Variants in BLTP1 observed in about 807,000 individuals in gnomAD.
BLTP1 encodes the protein bridge-like lipid transfer protein family member 1, also known as fragile site-associated protein.
At chr4:122,355,708 C>T in the BLTP1 span, 1 of 1,338,530 alleles carries the variant, frequency 7.5e-7, no homozygotes, top group East Asian at 2.5e-5. Flanking sequence ...AATAATAGTT[C>T]TGTATATTAT....
chr4:122,349,254 A>T, the BLTP1 span: 4 of 1,613,720 alleles, frequency 2.5e-6, no homozygotes, highest in Admixed American at 6.7e-5. The surrounding 1 kb of genome is among the most constrained non-coding windows in gnomAD (Gnocchi z 4.5). Flanking sequence ...GAAGATCACA[A>T]TTAGATTCTA....
At chr4:122,196,321 G>T in the BLTP1 span, among the ~76,000 whole-genome samples, 1 of 152,104 alleles carries the variant, frequency 6.6e-6, no homozygotes, top group Non-Finnish European at 1.5e-5. Context: ...TTGGAATGAT[G>T]ATTTTAATTA....
At chr4:122,291,665 G>A in the BLTP1 span, 9 of 903,596 alleles carry the variant, frequency 1.0e-5, no homozygotes, top group Non-Finnish European at 1.2e-5. Flanking sequence ...CAAGTAAACA[G>A]AATAGACTAT....
At chr4:122,209,172 A>G in the BLTP1 span, 1 of 1,605,166 alleles carries the variant, frequency 6.2e-7, no homozygotes, top group Non-Finnish European at 8.5e-7. Context: ...GAAGATGTTG[A>G]TCTTCATTTG....
the BLTP1 span, among the ~76,000 whole-genome samples, chr4:122,354,948 A>G: frequency 6.6e-6 from 1 of 152,140 alleles, no homozygotes; most frequent in Non-Finnish European, 1.5e-5. Context: ...TACAGGCATG[A>G]GCCACCATGC....
At chr4:122,338,730 C>T in the BLTP1 span, among the ~76,000 whole-genome samples, 1 of 152,002 alleles carries the variant, frequency 6.6e-6, no homozygotes, top group African/African-American at 2.4e-5. Flanking sequence ...GTTTTTCATC[C>T]CAAATACTGT....
At chr4:122,354,103 G>C in the BLTP1 span, 14 of 1,186,918 alleles carry the variant, frequency 1.2e-5, no homozygotes, top group Non-Finnish European at 1.6e-5. Context: ...AAATGGAGAT[G>C]GTGTTTTCAT....
At chr4:122,218,695 G>GA in the BLTP1 span, among the ~76,000 whole-genome samples, 147,415 of 152,146 alleles carry the variant, frequency 0.97, 71,592 homozygotes, top group East Asian at 1. Context: ...GAATCAATGG[G>GA]AAAAAATAAA....
the BLTP1 span, chr4:122,219,258 A>G: frequency 7.8e-6 from 12 of 1,537,964 alleles, no homozygotes; most frequent in Non-Finnish European, 1.0e-5. Context: ...GGAAATGCAT[A>G]ATTTACAAAT....
chr4:122,209,131 A>G, the BLTP1 span: 4 of 1,578,462 alleles, frequency 2.5e-6, no homozygotes, highest in East Asian at 4.6e-5. Context: ...TAATTTTATT[A>G]CTTTGGCTTA....
the BLTP1 span, chr4:122,331,681 T>C: frequency 7.1e-7 from 1 of 1,413,220 alleles, no homozygotes; most frequent in South Asian, 1.6e-5. Flanking sequence ...AATGGTCAAG[T>C]GTATATTTCT....
the BLTP1 span, chr4:122,336,464 T>C: frequency 3.9e-6 from 3 of 775,898 alleles, no homozygotes; most frequent in Non-Finnish European, 3.7e-6. Context: ...CAATTATAAA[T>C]GTTAAAGAAT....
At chr4:122,324,899 G>A in the BLTP1 span, among the ~76,000 whole-genome samples, 2 of 151,864 alleles carry the variant, frequency 1.3e-5, no homozygotes, top group African/African-American at 4.8e-5. Flanking sequence ...AGATTTGTCA[G>A]TTTAGAAAAG....
At chr4:122,236,832 T>C in the BLTP1 span, 2 of 985,304 alleles carry the variant, frequency 2.0e-6, no homozygotes, top group African/African-American at 3.5e-5. Context: ...TGAGTTGTAA[T>C]TGCCGAATTG....
chr4:122,194,245 A>T, the BLTP1 span, among the ~76,000 whole-genome samples: 1 of 152,212 alleles, frequency 6.6e-6, no homozygotes, highest in African/African-American at 2.4e-5. Flanking sequence ...TGTAGTATAT[A>T]GGAATACCTG....
the BLTP1 span, chr4:122,349,348 T>C: frequency 6.9e-6 from 11 of 1,596,212 alleles, no homozygotes; most frequent in Non-Finnish European, 9.4e-6. The surrounding 1 kb of genome is among the most constrained non-coding windows in gnomAD (Gnocchi z 4.5). Flanking sequence ...ACCTAACATA[T>C]CCTTAAGATA....
chr4:122,271,762 C>T, the BLTP1 span: 3 of 1,298,064 alleles, frequency 2.3e-6, no homozygotes, highest in Non-Finnish European at 3.2e-6. Flanking sequence ...TTTCCATTTA[C>T]AATAACAATA....
chr4:122,309,434 G>A, the BLTP1 span: 1 of 1,613,144 alleles, frequency 6.2e-7, no homozygotes, highest in Admixed American at 1.7e-5. Context: ...CTGGAAACCA[G>A]AAATTCATGG....
the BLTP1 span, among the ~76,000 whole-genome samples, chr4:122,198,636 T>C: frequency 6.6e-6 from 1 of 152,092 alleles, no homozygotes; most frequent in Non-Finnish European, 1.5e-5. Context: ...AGCATACTTG[T>C]TGTGGAACTC....
Sources: gnomAD v4.1 joint callset for allele counts (sites outside exome capture counted in the v4.1 genomes callset) on GRCh38, gnomAD v4.1.1 for gene constraint, Gnocchi (gnomAD v3.1) non-coding constraint, MANE v1.5 for transcripts, NCBI Gene and HGNC (gene_info 2026-07-23, HGNC 2026-07-21) for gene names.